Variants in DLG2 observed in about 807,000 individuals in gnomAD.
DLG2 encodes disks large homolog 2.
In DLG2, 45 loss-of-function variants were observed where a neutral mutation model predicts 132.5. The ratio of observed to expected loss-of-function variants is 0.34; its 90% confidence interval spans 0.27 to 0.44. DLG2 has a LOEUF of 0.44. DLG2 is among the 20% of genes least tolerant of loss of function. The pLI is 1.00. For missense variants in DLG2, 1,045 were observed against 1,196.9 expected, an observed-to-expected ratio of 0.87 and a Z score of 1.87; for synonymous variants, 424 against 419.6, an observed-to-expected ratio of 1.01 and a Z score of -0.13.
intron 6 of DLG2, among the ~76,000 whole-genome samples, chr11:84,555,236 G>C (rs1265570504): frequency 6.6e-6 from 1 of 152,026 alleles, no homozygotes; most frequent in Non-Finnish European, 1.5e-5. Context: ...GCAGTATGGA[G>C]GTTCTTCAAA....
intron 7 of DLG2, among the ~76,000 whole-genome samples, chr11:84,351,386 T>C (rs989631879): frequency 4.6e-5 from 7 of 152,168 alleles, no homozygotes; most frequent in African/African-American, 1.7e-4. Flanking sequence ...TATTCATATT[T>C]ATAAAACAAA....
intron 4 of DLG2, among the ~76,000 whole-genome samples, chr11:85,261,866 G>A (rs909471708): frequency 2.0e-5 from 3 of 152,168 alleles, no homozygotes; most frequent in African/African-American, 7.2e-5. Flanking sequence ...CTATCAGGGG[G>A]AAGGTGAGGG....
At chr11:85,486,103 C>T (rs1200291803) in intron 3 of DLG2, among the ~76,000 whole-genome samples, 1 of 147,214 alleles carries the variant, frequency 6.8e-6, no homozygotes, top group African/African-American at 2.5e-5. Context: ...CCACAGCTGA[C>T]ATTTTGACAG....
At chr11:84,959,681 TCA>T (rs2052246439) in intron 6 of DLG2, among the ~76,000 whole-genome samples, 1 of 152,206 alleles carries the variant, frequency 6.6e-6, no homozygotes, top group Non-Finnish European at 1.5e-5. Context: ...ACATTGATGT[TCA>T]GAGGAGGAAG....
chr11:85,493,716 G>A (rs1002679788), intron 3 of DLG2, among the ~76,000 whole-genome samples: 1 of 145,552 alleles, frequency 6.9e-6, no homozygotes. Flanking sequence ...AAAAGGAGGG[G>A]AGGGTAGGAG....
chr11:83,576,028 G>A (rs2096868032), intron 19 of DLG2, among the ~76,000 whole-genome samples: 1 of 152,140 alleles, frequency 6.6e-6, no homozygotes, highest in African/African-American at 2.4e-5. Context: ...ATTGCAGATG[G>A]TCAACAAGTT....
intron 4 of DLG2, among the ~76,000 whole-genome samples, chr11:85,212,325 TTCTCCGTCTTTCTCTCTC>T (rs2082305527): frequency 6.6e-6 from 1 of 152,050 alleles, no homozygotes; most frequent in Non-Finnish European, 1.5e-5. Context: ...TCCCCTTTCT[TTCTCCGTCTTTCTCTCTC>T]TCTCTGTCTT....
At chr11:83,862,432 C>T (rs1302684027) in intron 16 of DLG2, among the ~76,000 whole-genome samples, 1 of 151,834 alleles carries the variant, frequency 6.6e-6, no homozygotes, top group Non-Finnish European at 1.5e-5. Flanking sequence ...ATGATGGTTA[C>T]CAGAGGCTGT....
At chr11:84,246,555 A>C (rs1408850078) in intron 8 of DLG2, among the ~76,000 whole-genome samples, 1 of 152,232 alleles carries the variant, frequency 6.6e-6, no homozygotes, top group Non-Finnish European at 1.5e-5. Context: ...AAGAAAAAAG[A>C]AAAGAGACAG....
intron 6 of DLG2, among the ~76,000 whole-genome samples, chr11:84,875,987 C>T (rs2086284853): frequency 1.3e-5 from 2 of 152,174 alleles, no homozygotes; most frequent in Admixed American, 6.5e-5. Context: ...ATCCACCTGC[C>T]TTGGCCTCCC....
intron 7 of DLG2, among the ~76,000 whole-genome samples, chr11:84,445,986 C>T (rs1255550038): frequency 1.3e-5 from 2 of 149,138 alleles, no homozygotes; most frequent in Admixed American, 6.7e-5. Flanking sequence ...CCCTCACTCT[C>T]ATTATTCTCT....
chr11:83,531,605 A>T (rs1342680697), intron 21 of DLG2, among the ~76,000 whole-genome samples: 2 of 152,068 alleles, frequency 1.3e-5, no homozygotes, highest in Non-Finnish European at 2.9e-5. Context: ...CAAAATGTTA[A>T]GCATAGAGTT....
At chr11:83,906,727 G>T (rs1471682260) in intron 15 of DLG2, among the ~76,000 whole-genome samples, 2 of 151,996 alleles carry the variant, frequency 1.3e-5, no homozygotes, top group African/African-American at 2.4e-5. Context: ...ACTTCACCAA[G>T]GTAATTGGGT....
At chr11:85,077,544 C>T (rs895239918) in intron 6 of DLG2, among the ~76,000 whole-genome samples, 2 of 151,624 alleles carry the variant, frequency 1.3e-5, no homozygotes, top group Admixed American at 6.6e-5. Context: ...GTTAAAAGCA[C>T]AAAATTTAAA....
chr11:85,616,788 G>A (rs1328679717), intron 2 of DLG2, among the ~76,000 whole-genome samples: 1 of 152,120 alleles, frequency 6.6e-6, no homozygotes, highest in Non-Finnish European at 1.5e-5. Context: ...AACATTGCTT[G>A]GAAGGCAGCA....
intron 11 of DLG2, among the ~76,000 whole-genome samples, chr11:84,011,994 A>G (rs775637548): frequency 1.3e-5 from 2 of 152,138 alleles, no homozygotes; most frequent in African/African-American, 4.8e-5. Flanking sequence ...TTGGAGCAAT[A>G]GTTTGCTAGA....
At chr11:83,669,362 C>T (rs1473606555) in intron 18 of DLG2, among the ~76,000 whole-genome samples, 2 of 152,114 alleles carry the variant, frequency 1.3e-5, no homozygotes, top group East Asian at 3.8e-4. Flanking sequence ...AAGAAACATT[C>T]TAGGCTGCTG....
intron 11 of DLG2, among the ~76,000 whole-genome samples, chr11:83,988,868 T>C (rs1344000461): frequency 6.6e-6 from 1 of 152,176 alleles, no homozygotes; most frequent in Admixed American, 6.6e-5. Flanking sequence ...TTAGCACTTA[T>C]TACCTTGTAA....
rs1222906820 is a variant in DLG2 at position 84,833,009 on chromosome 11, G to A, written c.357+278652C>T. On this transcript the variant is annotated intron_variant, in intron 6 of 27. Transcript: ENST00000376104. ...TTAAAGCATATATTTTGCTTATTTG[G>A]TATGTTGGACTATGATTTTTAATAA... 5.3e-5 allele frequency among the ~76,000 whole-genome samples: 8 copies of A among 151,550 alleles called. No homozygotes were observed. The South Asian group carries it at 1.2e-3, about 24-fold the overall frequency.
Sources: gnomAD v4.1 joint callset for allele counts (sites outside exome capture counted in the v4.1 genomes callset) on GRCh38, gnomAD v4.1.1 for gene constraint, MANE v1.5 for transcripts, NCBI Gene and HGNC (gene_info 2026-07-23, HGNC 2026-07-21) for gene names.